Variants in NUP107 observed in about 807,000 individuals in gnomAD.
NUP107 encodes nucleoporin 107, also known as nuclear pore complex protein Nup107.
Under a neutral mutation model 141.0 loss-of-function variants are expected in NUP107, and 101 were observed. The ratio of observed to expected loss-of-function variants is 0.72; its 90% CI spans 0.61 to 0.84. The LOEUF is 0.84. NUP107 is among the 40% of genes least tolerant of loss of function. The pLI, the probability that NUP107 is intolerant of heterozygous loss-of-function variation, is 0.00. For missense variants in NUP107, 941 were observed against 1,102.7 expected (o/e 0.85, Z 2.08); for synonymous variants, 319 against 363.9 (o/e 0.88, Z 1.41).
At chr12:68,706,869 C>T in intron 8 of NUP107, 1 of 756,100 alleles carries the variant, frequency 1.3e-6, no homozygotes, top group South Asian at 1.4e-5. Flanking sequence ...ACGAAGACCA[C>T]CAGCGGCTAT....
rs187501599 is a variant in NUP107 at position 68,715,472 on chromosome 12, C to T, written c.970-155C>T. Among the ~76,000 whole-genome samples the T allele has an allele frequency of 1.4e-4, 21 of 151,880 alleles. No individual in the cohort carries two copies. In the East Asian group the frequency reaches 3.9e-3, roughly 28 times the overall value. On this transcript the variant is annotated intron_variant, in intron 11 of 27. Transcript: ENST00000229179. ...TCGCGCCACTGCACTCCAGCCTGGG[C>T]GACAGAACAAGACTCCGTCTCGGAA...
chr12:68,731,492 ATATTT>A (rs1206433332), intron 21 of NUP107, 110 bp from the exon 22 acceptor site: 1 of 618,702 alleles, frequency 1.6e-6, no homozygotes, highest in African/African-American at 1.9e-5. Flanking sequence ...CATATTTTAC[ATATTT>A]TATTTTTAAG....
chr12:68,720,299 C>G (rs1388663157), intron 14 of NUP107, among the ~76,000 whole-genome samples: 2 of 152,114 alleles, frequency 1.3e-5, no homozygotes, highest in Non-Finnish European at 2.9e-5. Flanking sequence ...AAATATGGCA[C>G]TTTACCTTGA....
intron 25 of NUP107, 105 bp downstream of exon 25, chr12:68,734,938 T>G: frequency 1.0e-5 from 13 of 1,245,808 alleles, no homozygotes; most frequent in Non-Finnish European, 1.5e-5. Context: ...TCATAACAGG[T>G]AATCTCCCTG....
chr12:68,707,143 C>G, intron 8 of NUP107: 1 of 547,626 alleles, frequency 1.8e-6, no homozygotes, highest in South Asian at 2.3e-5. Context: ...CAGAGGAGCA[C>G]AGGGAACAGG....
intron 11 of NUP107, 112 bp downstream of exon 11, chr12:68,713,920 C>G (rs2136023335): frequency 1.4e-6 from 1 of 726,854 alleles, no homozygotes; most frequent in Non-Finnish European, 2.3e-6. Flanking sequence ...TTTGCACACA[C>G]TAACATTTTA....
chr12:68,720,508 A>G (rs1045736125), intron 14 of NUP107, among the ~76,000 whole-genome samples: 6 of 152,190 alleles, frequency 3.9e-5, no homozygotes, highest in Non-Finnish European at 8.8e-5. Flanking sequence ...TTCCTAGGAT[A>G]GTATTGATGA....
Position 68,719,324 on chromosome 12 carries a change from C to T in NUP107, c.1084-17C>T. On this transcript the variant is annotated splice_polypyrimidine_tract_variant and intron_variant, in intron 12 of 27. Coordinates refer to ENST00000229179, the MANE Select transcript of NUP107 (RefSeq NM_020401.4). ...CACCCTGGTTATTGGACTGACTGCT[C>T]TTTCTTGTTTTCTAAGGCACAACGA... 6.2e-7 allele frequency: 1 copy of T among 1,607,672 alleles called. No individual in the cohort carries two copies. Among genetic ancestry groups the T allele is most frequent in the Non-Finnish European group, 8.5e-7 (1 of 1,175,064 alleles).
chr12:68,703,297 G>A (rs979861351), intron 8 of NUP107, among the ~76,000 whole-genome samples: 1 of 152,154 alleles, frequency 6.6e-6, no homozygotes, highest in Non-Finnish European at 1.5e-5. Context: ...ACTATTTAGT[G>A]TAACAGTTTT....
Position 68,727,346 on chromosome 12 carries a change from T to A in NUP107, c.1696-5T>A, listed in dbSNP as rs1486104901. The A allele has an allele frequency of 6.8e-7, 1 of 1,464,552 alleles. No homozygotes were observed. Among genetic ancestry groups the A allele is most frequent in the Admixed American group, 1.8e-5 (1 of 56,724 alleles). 90.7% of individuals were successfully genotyped at this position (1,464,552 alleles called of 1,614,324 possible). A position where few individuals can be genotyped will look rare whatever the true frequency, so the allele number is the denominator to read the frequency against. ...TTTATAATTATGTCTTTTTTTCCTA[T>A]GAAGGAGGAAGTTTCTATTGAAGTT... On this transcript the variant is annotated splice_region_variant and splice_polypyrimidine_tract_variant and intron_variant, in intron 19 of 27. Coordinates refer to ENST00000229179, the MANE Select transcript of NUP107 (RefSeq NM_020401.4).
In NUP107 at chr12:68,721,250, A is replaced by G; in HGVS notation, c.1311+73A>G. 4 of 964,220 alleles carry G rather than the reference A, an allele frequency of 4.1e-6. No individual in the cohort carries two copies. The South Asian group carries it at 4.4e-5, about 11-fold the overall frequency. 59.7% of individuals were successfully genotyped at this position (964,220 alleles called of 1,614,324 possible). A position where few individuals can be genotyped will look rare whatever the true frequency, so the allele number is the denominator to read the frequency against. ...AAATAAAATATTCTAACAATTGTATATAACAAATATAAACTTAAGTTTGTA... is the reference window on the plus strand; with the variant it reads ...AAATAAAATATTCTAACAATTGTATGTAACAAATATAAACTTAAGTTTGTA... On this transcript the variant is annotated intron_variant, in intron 15 of 27. Coordinates refer to ENST00000229179, the MANE Select transcript of NUP107 (RefSeq NM_020401.4).
In NUP107 at chr12:68,731,638, A is replaced by G. The variant is rs757324677; in HGVS notation, c.1917A>G (p.Val639=). 1.3e-6 allele frequency: 2 copies of G among 1,578,984 alleles called. No individual in the cohort carries two copies. The highest frequency in any genetic ancestry group is 1.7e-6 in the Non-Finnish European group (2 of 1,170,530). ...ATGTTGCAACAATAACAAAAACTGT[A>G]GTTGAGAATATTCGAAAGAAAGATA... is the stretch of plus-strand genomic sequence containing the variant. The part of the protein sequence containing the change: ...DLDVATITKT[V]VENIRKKDNG... Residue 639 remains valine, a synonymous_variant, in exon 22 of 28, where the codon GTA becomes GTG. Transcript: ENST00000229179.
rs1436935443 is a variant in NUP107, at chr12:68,744,981, T to C, written c.*2519T>C. On this transcript the variant is annotated 3_prime_UTR_variant, in exon 28 of 28. Coordinates refer to ENST00000229179, the MANE Select transcript of NUP107 (RefSeq NM_020401.4). ...TAAAAACTTTTCTTGGTGTGACTTATGCCAAGGAATTATGAAGACTTTTTC... is the reference window on the plus strand; with the variant it reads ...TAAAAACTTTTCTTGGTGTGACTTACGCCAAGGAATTATGAAGACTTTTTC... 6.6e-6 allele frequency: 1 copy of C among 152,284 alleles called. No individual in the cohort carries two copies. Among genetic ancestry groups the C allele is most frequent in the Non-Finnish European group, 1.5e-5 (1 of 68,046 alleles). 9.4% of individuals were successfully genotyped at this position (152,284 alleles called of 1,614,324 possible).
chr12:68,736,225 C>A (rs1376373727), intron 26 of NUP107, among the ~76,000 whole-genome samples: 1 of 151,976 alleles, frequency 6.6e-6, no homozygotes, highest in African/African-American at 2.4e-5. Flanking sequence ...TGGTATCTTT[C>A]CTTTTGCCAT....
chr12:68,742,904 A>G lies in NUP107; in HGVS notation c.*442A>G, dbSNP rs1878380276. On this transcript the variant is annotated 3_prime_UTR_variant, in exon 28 of 28. Transcript: ENST00000229179. ...ACTATAACAAGAATTTTTCTAACAT[A>G]ACATGCTATTATTATTTTAGTTATT... 1 of 152,258 alleles carries G rather than the reference A, an allele frequency of 6.6e-6. No individual in the cohort carries two copies. Among genetic ancestry groups the G allele is most frequent in the Admixed American group, 6.5e-5 (1 of 15,280 alleles). 9.4% of individuals were successfully genotyped at this position (152,258 alleles called of 1,614,324 possible).
chr12:68,688,926 C>A, intron 1 of NUP107, 36 bp from the exon 2 acceptor site: 1 of 1,464,330 alleles, frequency 6.8e-7, no homozygotes, highest in Non-Finnish European at 9.5e-7. Flanking sequence ...GCTATATTCT[C>A]GTTTCACTTA....
At chr12:68,726,639 C>A (rs755047235) in intron 19 of NUP107, 22 bp downstream of exon 19, 4 of 1,413,172 alleles carry the variant, frequency 2.8e-6, no homozygotes, top group Admixed American at 1.7e-5. Flanking sequence ...TGAACGATTT[C>A]TTCTTCTCTG....
intron 10 of NUP107, among the ~76,000 whole-genome samples, chr12:68,712,905 C>G (rs1876929940): frequency 1.3e-5 from 2 of 151,936 alleles, no homozygotes; most frequent in Non-Finnish European, 2.9e-5. Flanking sequence ...ACAATTAATT[C>G]AAGATGTGTC....
chr12:68,687,121 C>A (rs1400975107), intron 1 of NUP107, 48 bp downstream of exon 1: 1 of 1,613,312 alleles, frequency 6.2e-7, no homozygotes, highest in Non-Finnish European at 8.5e-7. Context: ...CCCGTCTCGC[C>A]TGTTGGCGAA....
Sources: allele counts gnomAD v4.1 joint callset (sites outside exome capture counted in the v4.1 genomes callset), GRCh38; gene constraint gnomAD v4.1.1; transcripts MANE v1.5; gene names NCBI Gene and HGNC (gene_info 2026-07-23, HGNC 2026-07-21).